The following DCDC1 variants were observed in gnomAD, a reference collection of about 807,000 sequenced individuals.
DCDC1 encodes doublecortin domain containing 1.
In DCDC1, 200 loss-of-function variants were observed where a neutral mutation model predicts 178.3. That is an observed-to-expected ratio of 1.12 (90% CI 1.00 to 1.26). The LOEUF (loss-of-function observed/expected upper bound fraction) is 1.26. DCDC1 is among the 50% of genes most tolerant of loss of function. The pLI, the probability that DCDC1 is intolerant of heterozygous loss-of-function variation, is 0.00. For synonymous variants in DCDC1, 690 were observed against 604.8 expected, an observed-to-expected ratio of 1.14 and a Z score of -2.07; for missense variants, 1,983 against 1,749.2, an observed-to-expected ratio of 1.13 and a Z score of -2.38.
In DCDC1 at chr11:30,864,859, T is replaced by C. The variant is rs187382312; in HGVS notation, c.*514A>G. 6.6e-6 allele frequency: 1 copy of C among 152,358 alleles called. No individual in the cohort carries two copies. Among genetic ancestry groups the C allele is most frequent in the East Asian group, 1.9e-4 (1 of 5,188 alleles). 9.4% of individuals were successfully genotyped at this position (152,358 alleles called of 1,614,324 possible). A position where few individuals can be genotyped will look rare whatever the true frequency, so the allele number is the denominator to read the frequency against. The stretch of plus-strand genomic sequence containing the variant: ...GCTAACAATGCTCTCGATTATGGTA[T>C]GTCATACTATGAATTTATGGATATA... On this transcript the variant is annotated 3_prime_UTR_variant, in exon 39 of 39. Transcript: ENST00000684477.
chr11:30,877,425 A>AT (rs1369366118), intron 38 of DCDC1, among the ~76,000 whole-genome samples: 1 of 152,116 alleles, frequency 6.6e-6, no homozygotes, highest in Non-Finnish European at 1.5e-5. Flanking sequence ...TGTAACTGCT[A>AT]TTTTTTTAAT....
chr11:31,090,968 C>T (rs1957785648), intron 17 of DCDC1, among the ~76,000 whole-genome samples: 1 of 152,132 alleles, frequency 6.6e-6, no homozygotes, highest in Non-Finnish European at 1.5e-5. Context: ...AGGACACTTA[C>T]AGTCCGTTAC....
intron 11 of DCDC1, among the ~76,000 whole-genome samples, chr11:31,121,366 A>T (rs182110523): frequency 2.0e-5 from 3 of 149,906 alleles, no homozygotes; most frequent in African/African-American, 7.4e-5. Context: ...TTTTTTAAAC[A>T]AGGAACTTTC....
At chr11:31,089,842 T>C (rs1216326593) in intron 17 of DCDC1, among the ~76,000 whole-genome samples, 1 of 152,182 alleles carries the variant, frequency 6.6e-6, no homozygotes, top group African/African-American at 2.4e-5. Context: ...TTCTTGAATA[T>C]ACAGAATACA....
At chr11:31,305,802 A>T in intron 5 of DCDC1, 25 bp from the exon 6 acceptor site, 7 of 1,608,250 alleles carry the variant, frequency 4.4e-6, no homozygotes, top group Non-Finnish European at 5.9e-6. Flanking sequence ...GAGGTAAGTC[A>T]AAGTGATTTA....
intron 18 of DCDC1, among the ~76,000 whole-genome samples, chr11:31,065,932 T>C (rs1018403582): frequency 6.6e-6 from 1 of 152,156 alleles, no homozygotes; most frequent in African/African-American, 2.4e-5. Context: ...ACGCATCTTT[T>C]ATTTGTTGGG....
intron 7 of DCDC1, among the ~76,000 whole-genome samples, chr11:31,266,720 C>A (rs1390879483): frequency 6.6e-6 from 1 of 152,152 alleles, no homozygotes; most frequent in African/African-American, 2.4e-5. Flanking sequence ...CCACTTCTGT[C>A]CCTACTTTAT....
intron 12 of DCDC1, among the ~76,000 whole-genome samples, chr11:31,107,727 T>C (rs1207867913): frequency 6.6e-6 from 1 of 152,196 alleles, no homozygotes; most frequent in African/African-American, 2.4e-5. Context: ...TGAAAAGACA[T>C]TTTTCATTAT....
chr11:31,029,513 T>A (rs1342078721), intron 20 of DCDC1, among the ~76,000 whole-genome samples: 1 of 152,088 alleles, frequency 6.6e-6, no homozygotes, highest in Admixed American at 6.6e-5. Flanking sequence ...GGGACAAATA[T>A]AGTTTTATAA....
intron 23 of DCDC1, among the ~76,000 whole-genome samples, chr11:30,923,727 G>C (rs1342265044): frequency 6.6e-6 from 1 of 151,584 alleles, no homozygotes; most frequent in South Asian, 2.1e-4. Flanking sequence ...CGTGATTCTC[G>C]TGCCTCAGCC....
At chr11:31,094,507 T>C (rs2135689085) in intron 15 of DCDC1, among the ~76,000 whole-genome samples, 1 of 152,202 alleles carries the variant, frequency 6.6e-6, no homozygotes, top group African/African-American at 2.4e-5. Flanking sequence ...AATGATTAAA[T>C]AGTGTTATTA....
At chr11:31,259,029 CCAGATGTTGCAA>C (rs1235341147) in intron 8 of DCDC1, among the ~76,000 whole-genome samples, 1 of 152,052 alleles carries the variant, frequency 6.6e-6, no homozygotes, top group East Asian at 1.9e-4. Flanking sequence ...ACACAAACTG[CCAGATGTTGCAA>C]GAATGAAACA....
intron 11 of DCDC1, among the ~76,000 whole-genome samples, chr11:31,125,290 G>A (rs1961441980): frequency 6.6e-6 from 1 of 152,076 alleles, no homozygotes; most frequent in South Asian, 2.1e-4. Context: ...AAGCTGGCAA[G>A]GTTGCAAAGA....
chr11:30,931,862 CA>C lies in DCDC1; in HGVS notation c.2805del (p.Val936CysfsTer36), dbSNP rs1315129026. 2 of 1,612,988 alleles carry C rather than the reference CA, an allele frequency of 1.2e-6. No homozygotes were observed. The highest frequency in any genetic ancestry group is 2.7e-5 in the African/African-American group (2 of 74,868). On this transcript the variant is annotated frameshift_variant, in exon 22 of 39. Transcript: ENST00000684477. LOFTEE classifies it high-confidence loss of function. ...CCATTCTGCAAAACTCTGAGTCGCA[CA>C]GGGGCATATGGCTCTGTTGTCTTAC... ...PICKTTEPYA[P>X]VRLRVLQNGE...
At chr11:31,336,833 C>T (rs534786574) in intron 1 of DCDC1, among the ~76,000 whole-genome samples, 1 of 152,288 alleles carries the variant, frequency 6.6e-6, no homozygotes, top group South Asian at 2.1e-4. Context: ...ATGGTCCATG[C>T]AAGTGAGTGT....
At chr11:31,135,536 T>C (rs1963017410) in intron 10 of DCDC1, among the ~76,000 whole-genome samples, 1 of 152,138 alleles carries the variant, frequency 6.6e-6, no homozygotes, top group Non-Finnish European at 1.5e-5. Flanking sequence ...AAGTTAGAAC[T>C]TACACATCCA....
intron 27 of DCDC1, among the ~76,000 whole-genome samples, 199 bp from the exon 28 acceptor site, chr11:30,911,619 T>C (rs75523198): frequency 0.03 from 4,607 of 152,244 alleles, 213 homozygotes; most frequent in African/African-American, 0.1. Context: ...GACTGCAGGA[T>C]GAAGGGGCTC....
At chr11:31,199,482 T>C (rs1971055639) in intron 9 of DCDC1, among the ~76,000 whole-genome samples, 1 of 152,076 alleles carries the variant, frequency 6.6e-6, no homozygotes, top group Non-Finnish European at 1.5e-5. Context: ...TGCCTGGAAC[T>C]TAACAGAAAT....
intron 20 of DCDC1, among the ~76,000 whole-genome samples, chr11:31,015,912 T>C (rs778664424): frequency 2.0e-5 from 3 of 152,184 alleles, no homozygotes; most frequent in Non-Finnish European, 4.4e-5. Flanking sequence ...ATTAAGATCA[T>C]CTAAGCTGTT....
Sources: allele counts gnomAD v4.1 joint callset (sites outside exome capture counted in the v4.1 genomes callset), GRCh38; gene constraint gnomAD v4.1.1; transcripts MANE v1.5; gene names NCBI Gene and HGNC (gene_info 2026-07-23, HGNC 2026-07-21).